MYLK2: variants seen among roughly 807,000 people sequenced by gnomAD.
MYLK2 encodes myosin light chain kinase 2, also known as myosin light chain kinase 2, skeletal/cardiac muscle.
Under a neutral mutation model 58.2 loss-of-function variants are expected in MYLK2, and 27 were observed. That is an observed-to-expected ratio of 0.46 (90% confidence interval 0.34 to 0.64). The LOEUF (loss-of-function observed/expected upper bound fraction) is 0.64. Ranked by LOEUF, MYLK2 falls within the 30% of genes least tolerant of loss-of-function variation. MYLK2 has a pLI of 0.01. For missense variants in MYLK2, 676 were observed against 764.3 expected, an observed-to-expected ratio of 0.88 and a Z score of 1.36; for synonymous variants, 310 against 296.7, an observed-to-expected ratio of 1.04 and a Z score of -0.46.
intron 6 of MYLK2, among the ~76,000 whole-genome samples, chr20:31,826,333 G>A (rs546036352): frequency 1.3e-5 from 2 of 152,252 alleles, no homozygotes; most frequent in African/African-American, 4.8e-5. Context: ...CAGGGAGAGA[G>A]CAGAGAGAGG....
chr20:31,820,085 AAGG>A, intron 2 of MYLK2, 38 bp from the exon 3 acceptor site: 1 of 1,611,610 alleles, frequency 6.2e-7, no homozygotes, highest in South Asian at 1.1e-5. Context: ...GAGGGAAGGA[AAGG>A]AGGGTGGATC....
At chr20:31,822,806 G>A (rs1195682507) in intron 4 of MYLK2, among the ~76,000 whole-genome samples, 1 of 152,156 alleles carries the variant, frequency 6.6e-6, no homozygotes, top group Non-Finnish European at 1.5e-5. Context: ...CCTCCGCCCC[G>A]CCCCGAAATC....
At chr20:31,830,925 C>T (rs369180265) in intron 9 of MYLK2, 36 bp downstream of exon 9, 66 of 1,610,676 alleles carry the variant, frequency 4.1e-5, no homozygotes, top group Non-Finnish European at 5.3e-5. Context: ...CAAGACAAGC[C>T]TCTGAGTTGG....
chr20:31,823,414 G>T lies in MYLK2; in HGVS notation c.773-63G>T, dbSNP rs532181053. ...GGGGCCCAGGCCAGCAGGAGGGGTG[G>T]TGCCAAGGGGAATCCTCAGCAGCCC... is the stretch of plus-strand genomic sequence containing the variant. On this transcript the variant is annotated intron_variant, in intron 4 of 12. Coordinates refer to ENST00000375985, the MANE Select transcript of MYLK2 (RefSeq NM_033118.4). 4.8e-6 allele frequency: 7 copies of T among 1,462,502 alleles called. No individual in the cohort carries two copies. The South Asian group carries it at 6.9e-5, about 14-fold the overall frequency. The allele number at this position is 1,462,502 out of a possible 1,614,324, so 90.6% of individuals were successfully genotyped here. A position where few individuals can be genotyped will look rare whatever the true frequency, so the allele number is the denominator to read the frequency against.
In MYLK2 at chr20:31,820,185, C is replaced by G; in HGVS notation, c.112C>G (p.Pro38Ala). 1 of 1,614,022 alleles carries G rather than the reference C, an allele frequency of 6.2e-7. No individual in the cohort carries two copies. The highest frequency in any genetic ancestry group is 8.5e-7 in the Non-Finnish European group (1 of 1,180,024). ...CCTGGCTGCAGGGAAAGACCCTGGCCCCCCAGACCCAAAGAAAGCTCCGGA... is the reference window on the plus strand; with the variant it reads ...CCTGGCTGCAGGGAAAGACCCTGGCGCCCCAGACCCAAAGAAAGCTCCGGA... The part of the protein sequence containing the change: ...RPLAAGKDPG[P>A]PDPKKAPDPP... Residue 38 changes from proline to alanine, a missense_variant, in exon 3 of 13, where the codon CCC becomes GCC. Transcript: ENST00000375985.
At chr20:31,831,198 C>T (rs554754771) in intron 10 of MYLK2, 57 bp downstream of exon 10, 1,168 of 1,612,574 alleles carry the variant, frequency 7.2e-4, no homozygotes, top group South Asian at 1.2e-3. Context: ...GGCGAGCGGC[C>T]GAGGCCAAGA....
chr20:31,833,983 C>T lies in MYLK2; in HGVS notation c.*186C>T. 1.6e-6 allele frequency: 1 copy of T among 612,400 alleles called. No individual in the cohort carries two copies. Among genetic ancestry groups the T allele is most frequent in the Non-Finnish European group, 2.9e-6 (1 of 345,862 alleles). 37.9% of individuals were successfully genotyped at this position (612,400 alleles called of 1,614,324 possible). A position where few individuals can be genotyped will look rare whatever the true frequency, so the allele number is the denominator to read the frequency against. ...GTGACCGCTTCCCCGATGTGAGCCG[C>T]CTCGGAGTGTGGCCTGGATCCATCC... On this transcript the variant is annotated 3_prime_UTR_variant, in exon 13 of 13. Coordinates refer to ENST00000375985, the MANE Select transcript of MYLK2 (RefSeq NM_033118.4).
In MYLK2 at chr20:31,833,963, C is replaced by G. The variant is rs984355266; in HGVS notation, c.*166C>G. ...GCTCCCCACGCCCCCATGCAGTGAC[C>G]GCTTCCCCGATGTGAGCCGCCTCGG... On this transcript the variant is annotated 3_prime_UTR_variant, in exon 13 of 13. Transcript: ENST00000375985. 1.6e-6 allele frequency: 1 copy of G among 641,526 alleles called. No individual in the cohort carries two copies. Among genetic ancestry groups the G allele is most frequent in the African/African-American group, 1.8e-5 (1 of 54,858 alleles). The allele number at this position is 641,526 out of a possible 1,614,324, so 39.7% of individuals were successfully genotyped here.
intron 6 of MYLK2, chr20:31,824,699 C>G (rs2062269950): frequency 2.1e-6 from 1 of 486,130 alleles, no homozygotes. Flanking sequence ...TGGGTGTGGT[C>G]TCCACCCTCA....
At chr20:31,827,115 G>A (rs2062284536) in intron 8 of MYLK2, 177 bp downstream of exon 8, 2 of 980,064 alleles carry the variant, frequency 2.0e-6, no homozygotes, top group Non-Finnish European at 1.2e-6. Flanking sequence ...GGAGCCGGGG[G>A]CACAGCAAAG....
rs752454646 is a variant in MYLK2 at position 31,826,778 on chromosome 20, G to C, written c.1083-19G>C. ...ACCACCAGGCACGGAGCAAGCCGTG[G>C]AGGGGTCTGTGCACACAGCATCGAG... On this transcript the variant is annotated intron_variant, in intron 7 of 12. Coordinates refer to ENST00000375985, the MANE Select transcript of MYLK2 (RefSeq NM_033118.4). The C allele has an allele frequency of 5.0e-6, 8 of 1,614,132 alleles. No homozygotes were observed. Among genetic ancestry groups the C allele is most frequent in the East Asian group, 2.2e-5 (1 of 44,880 alleles).
chr20:31,832,760 G>C (rs148850403), intron 12 of MYLK2, among the ~76,000 whole-genome samples: 7,325 of 152,270 alleles, frequency 0.048, 209 homozygotes, highest in Middle Eastern at 0.082. Flanking sequence ...CAAAGTGCTG[G>C]GATTACAGGC....
intron 12 of MYLK2, 43 bp downstream of exon 12, chr20:31,832,179 G>A: frequency 6.3e-7 from 1 of 1,589,772 alleles, no homozygotes; most frequent in Non-Finnish European, 8.6e-7. Context: ...TTGCTAGTGG[G>A]AAGAGCTCCT....
chr20:31,831,208 A>T (rs552600364), intron 10 of MYLK2, 67 bp downstream of exon 10: 3 of 1,611,122 alleles, frequency 1.9e-6, no homozygotes, highest in Non-Finnish European at 1.7e-6. Context: ...CGAGGCCAAG[A>T]TTGGCCCTAG....
intron 6 of MYLK2, among the ~76,000 whole-genome samples, chr20:31,826,176 T>G (rs2123133970): frequency 6.6e-6 from 1 of 152,298 alleles, no homozygotes; most frequent in Non-Finnish European, 1.5e-5. Context: ...ATGATAGATT[T>G]GAGATGTCTA....
At chr20:31,821,217 C>A (rs950068765) in intron 3 of MYLK2, among the ~76,000 whole-genome samples, 3 of 152,316 alleles carry the variant, frequency 2.0e-5, no homozygotes, top group Non-Finnish European at 4.4e-5. Flanking sequence ...TTAACCATAT[C>A]AACAATCCTA....
At chr20:31,828,628 A>G (rs1487655865) in intron 8 of MYLK2, 2 of 985,340 alleles carry the variant, frequency 2.0e-6, no homozygotes, top group African/African-American at 3.5e-5. Flanking sequence ...CACGAGAGTA[A>G]TGCGGAATCG....
intron 10 of MYLK2, 39 bp downstream of exon 10, chr20:31,831,180 G>A: frequency 6.2e-7 from 1 of 1,613,664 alleles, no homozygotes; most frequent in Non-Finnish European, 8.5e-7. Context: ...GGGTTGGTGG[G>A]GCATGGGGGC....
In MYLK2 at chr20:31,821,320, C is replaced by G. The variant is rs936131166; in HGVS notation, c.474-119C>G. 39 of 1,163,442 alleles carry G rather than the reference C, an allele frequency of 3.4e-5. No homozygotes were observed. The African/African-American group carries it at 5.8e-4, about 17-fold the overall frequency. The allele number at this position is 1,163,442 out of a possible 1,614,324, so 72.1% of individuals were successfully genotyped here. On this transcript the variant is annotated intron_variant, in intron 3 of 12. Transcript: ENST00000375985. Reference sequence around the variant, plus strand: ...TTAATTTTGTACCAGGTGAATTTGGCTGTATTACACCATGCATTTGGGGTG... The same window carrying G: ...TTAATTTTGTACCAGGTGAATTTGGGTGTATTACACCATGCATTTGGGGTG...
Sources: allele counts gnomAD v4.1 joint callset (sites outside exome capture counted in the v4.1 genomes callset), GRCh38; gene constraint gnomAD v4.1.1; transcripts MANE v1.5; gene names NCBI Gene and HGNC (gene_info 2026-07-23, HGNC 2026-07-21).